ITGA11: variants seen among roughly 807,000 people sequenced by gnomAD.
ITGA11 encodes integrin alpha-11.
ITGA11 carries 97 observed loss-of-function variants against 141.9 expected under a neutral mutation model. The observed-to-expected ratio is 0.68, with a 90% CI of 0.58 to 0.81. ITGA11 has a LOEUF of 0.81. ITGA11 is among the 30% of genes least tolerant of loss of function. The pLI, the probability that ITGA11 is intolerant of heterozygous loss-of-function variation, is 0.00. For synonymous variants in ITGA11, 658 were observed against 624.6 expected (o/e 1.05, Z -0.80); for missense variants, 1,387 against 1,559.2 (o/e 0.89, Z 1.86).
chr15:68,332,535 A>G, intron 12 of ITGA11, 57 bp from the exon 13 acceptor site: 1 of 1,566,230 alleles, frequency 6.4e-7, no homozygotes. Flanking sequence ...CACAACCCAG[A>G]GCCCTCGCCT....
At position 68,317,615 on chromosome 15, in the gene ITGA11, C is replaced by T. The variant is rs554718123; in HGVS notation, c.2617-252G>A. ...CACTCAGAGGCGGTGGGGAGGATGG[C>T]GGGGGCTCATGTATGCGTCTCATTT... On this transcript the variant is annotated intron_variant, in intron 20 of 29. Coordinates refer to ENST00000315757, the MANE Select transcript of ITGA11 (RefSeq NM_001004439.2). 8.5e-5 allele frequency among the ~76,000 whole-genome samples: 13 copies of T among 152,058 alleles called. 2 individuals carry two copies. In the South Asian group the frequency reaches 1.7e-3, roughly 19 times the overall value.
At chr15:68,351,804 C>T (rs1894918895) in intron 7 of ITGA11, among the ~76,000 whole-genome samples, 1 of 152,032 alleles carries the variant, frequency 6.6e-6, no homozygotes, top group Non-Finnish European at 1.5e-5. Flanking sequence ...AACTGTTGGC[C>T]TGGCACGGTG....
Position 68,357,151 on chromosome 15 carries a change from C to T in ITGA11, c.749G>A (p.Arg250His), listed in dbSNP as rs755536029. 19 of 1,599,482 alleles carry T rather than the reference C, an allele frequency of 1.2e-5. No homozygotes were observed. Among genetic ancestry groups the T allele is most frequent in the Middle Eastern group, 1.7e-4 (1 of 6,006 alleles). The change falls in exon 7 of 30, where the codon CGC (arginine) becomes CAC (histidine). Residue 250 changes from arginine (R) to histidine (H), a missense_variant and splice_region_variant. Arg to His is a conservative substitution (Grantham distance 29, BLOSUM62 0). Coordinates refer to ENST00000315757, the MANE Select transcript of ITGA11 (RefSeq NM_001004439.2). ...TTTTTTTGTTCTACTTTTTTTTTACCGTGCAAATTCAATGCCAAATGCCGT... is the reference window on the plus strand; with the variant it reads ...TTTTTTTGTTCTACTTTTTTTTTACTGTGCAAATTCAATGCCAAATGCCGT... The part of the protein sequence containing the change: ...TRTAFGIEFA[R>H]SEAFQKGGRK...
At chr15:68,354,350 C>A (rs1034704800) in intron 7 of ITGA11, among the ~76,000 whole-genome samples, 7 of 152,056 alleles carry the variant, frequency 4.6e-5, no homozygotes, top group African/African-American at 1.7e-4. Context: ...TGTTCAGGGG[C>A]CCTCTCCACT....
At chr15:68,350,559 G>A (rs1286256328) in intron 9 of ITGA11, 58 bp downstream of exon 9, 1 of 1,520,288 alleles carries the variant, frequency 6.6e-7, no homozygotes, top group Non-Finnish European at 9.0e-7. Flanking sequence ...TGCTCTACGG[G>A]GTTTACCTGA....
chr15:68,398,618 A>AT (rs1185595226), intron 2 of ITGA11, among the ~76,000 whole-genome samples: 1 of 148,094 alleles, frequency 6.8e-6, no homozygotes, highest in African/African-American at 2.5e-5. Context: ...AAGTATAAAT[A>AT]TTTTTATGGT....
rs548055049 is a variant in ITGA11 at position 68,322,851 on chromosome 15, C to T, written c.2323-1348G>A. Reference sequence around the variant, plus strand: ...CCAACCTGGGTGACAGAGGGAGATACCATTTCAAAAAAAAAAAAAAAGAAA... The same window carrying T: ...CCAACCTGGGTGACAGAGGGAGATATCATTTCAAAAAAAAAAAAAAAGAAA... On this transcript the variant is annotated intron_variant, in intron 18 of 29. Coordinates refer to ENST00000315757, the MANE Select transcript of ITGA11 (RefSeq NM_001004439.2). The surrounding 1 kb of genome is among the most constrained non-coding windows in gnomAD (Gnocchi z 5.6). Among the ~76,000 whole-genome samples, 282 of 84,878 alleles carry T rather than the reference C, an allele frequency of 3.3e-3. 1 individual carries two copies. Among genetic ancestry groups the T allele is most frequent in the African/African-American group, 7.6e-3 (259 of 34,292 alleles). 55.7% of individuals were successfully genotyped at this position (84,878 alleles called of 152,430 possible).
rs1033466229 is a variant in ITGA11 at position 68,335,317 on chromosome 15, T to C, written c.1425+380A>G. 2.0e-5 allele frequency among the ~76,000 whole-genome samples: 3 copies of C among 152,168 alleles called. No individual in the cohort carries two copies. The highest frequency in any genetic ancestry group is 2.9e-5 in the Non-Finnish European group (2 of 68,044). ...GTTTTCCCCTGTGCTGGAAGTGACT[T>C]GGGATTGGAGCCCTGTTTTCACCAC... is the stretch of plus-strand genomic sequence containing the variant. On this transcript the variant is annotated intron_variant, in intron 12 of 29. Coordinates refer to ENST00000315757, the MANE Select transcript of ITGA11 (RefSeq NM_001004439.2). The surrounding 1 kb of genome is among the most constrained non-coding windows in gnomAD (Gnocchi z 4.9).
At chr15:68,346,918 G>T (rs1052152440) in intron 10 of ITGA11, among the ~76,000 whole-genome samples, 8 of 152,108 alleles carry the variant, frequency 5.3e-5, no homozygotes, top group Admixed American at 4.6e-4. Context: ...CGGATGAGGG[G>T]GGCCTCCAGG....
intron 10 of ITGA11, among the ~76,000 whole-genome samples, chr15:68,341,815 G>C (rs16951819): frequency 0.063 from 9,641 of 152,300 alleles, 923 homozygotes; most frequent in African/African-American, 0.21. Flanking sequence ...GCCCAGGGGC[G>C]TGGGATTCAG....
intron 9 of ITGA11, 136 bp downstream of exon 9, chr15:68,350,481 T>G: frequency 1.2e-6 from 1 of 821,934 alleles, no homozygotes; most frequent in Middle Eastern, 3.8e-4. Context: ...TGAGTCACCA[T>G]GCCTGGCCTG....
Position 68,350,594 on chromosome 15 carries a change from C to T in ITGA11, c.1060+23G>A, listed in dbSNP as rs533705547. 81 of 1,604,030 alleles carry T rather than the reference C, an allele frequency of 5.0e-5. No individual in the cohort carries two copies. In the South Asian group the frequency reaches 6.2e-4, roughly 12 times the overall value. On this transcript the variant is annotated intron_variant, in intron 9 of 29. Transcript: ENST00000315757. ...ACATAAGCCCAGGAGAGAGTGGATC[C>T]CCTCTTAGCATGCATTGCTTACCTT...
chr15:68,327,730 C>T (rs1216495708), intron 16 of ITGA11, among the ~76,000 whole-genome samples: 1 of 151,278 alleles, frequency 6.6e-6, no homozygotes, highest in Non-Finnish European at 1.5e-5. Flanking sequence ...TCCTGGTTTC[C>T]AGCACCCCCC....
At chr15:68,364,882 G>C in intron 3 of ITGA11, 84 bp from the exon 4 acceptor site, 1 of 1,313,092 alleles carries the variant, frequency 7.6e-7, no homozygotes, top group Non-Finnish European at 1.1e-6. Flanking sequence ...GTCACCCGAG[G>C]TGCCTCCCCG....
At chr15:68,426,356 C>T (rs545124573) in intron 1 of ITGA11, among the ~76,000 whole-genome samples, 1 of 152,206 alleles carries the variant, frequency 6.6e-6, no homozygotes, top group Non-Finnish European at 1.5e-5. Context: ...GATCGCCAAA[C>T]CTTGACCCTG....
At chr15:68,381,206 T>C (rs1895853899) in intron 2 of ITGA11, among the ~76,000 whole-genome samples, 2 of 152,246 alleles carry the variant, frequency 1.3e-5, no homozygotes, top group African/African-American at 4.8e-5. Context: ...CTAGAGGGTC[T>C]GTCTTTGTAA....
intron 21 of ITGA11, among the ~76,000 whole-genome samples, chr15:68,316,009 A>G (rs147119629): frequency 6.6e-6 from 1 of 152,266 alleles, no homozygotes; most frequent in African/African-American, 2.4e-5. Flanking sequence ...TTTTGTTTTT[A>G]GCAAAAGGCA....
Position 68,332,439 on chromosome 15 carries a change from T to C in ITGA11, c.1465A>G (p.Ile489Val). The C allele has an allele frequency of 1.2e-6, 2 of 1,612,216 alleles. No individual in the cohort carries two copies. Among genetic ancestry groups the C allele is most frequent in the Non-Finnish European group, 1.7e-6 (2 of 1,179,306 alleles). Residue 489 changes from isoleucine (I) to valine (V), a missense_variant, in exon 13 of 30, where the codon ATC (isoleucine) becomes GTC (valine). Coordinates refer to ENST00000315757, the MANE Select transcript of ITGA11 (RefSeq NM_001004439.2). ...ACATCAGTCACGCCGTCGCCGTCGA[T>C]GTCCACCGAGGTGATTTCACTCCCA... ...YFGSEITSVD[I>V]DGDGVTDVLL...
intron 11 of ITGA11, chr15:68,336,051 G>C (rs1303688216): frequency 3.2e-6 from 2 of 621,064 alleles, no homozygotes; most frequent in Non-Finnish European, 2.8e-6. Flanking sequence ...AGGGGGTTTG[G>C]AGGGTAGGGA....
Sources: allele counts gnomAD v4.1 joint callset (sites outside exome capture counted in the v4.1 genomes callset), GRCh38; gene constraint gnomAD v4.1.1; non-coding constraint Gnocchi (gnomAD v3.1); transcripts MANE v1.5; gene names NCBI Gene and HGNC (gene_info 2026-07-23, HGNC 2026-07-21).